The following ZNF222 variants were observed in gnomAD, a reference collection of about 807,000 sequenced individuals.
ZNF222 encodes the protein zinc finger protein 222.
A neutral mutation model predicts 11.6 loss-of-function variants in ZNF222; 8 were observed. The ratio of observed to expected loss-of-function variants is 0.69; its 90% CI spans 0.41 to 1.25. ZNF222 has a LOEUF of 1.25. Ranked by LOEUF, ZNF222 falls within the 50% of genes most tolerant of loss-of-function variation. ZNF222 has a pLI of 0.01. For missense variants in ZNF222, 483 were observed against 576.1 expected, an observed-to-expected ratio of 0.84 and a Z score of 1.65; for synonymous variants, 171 against 195.6, an observed-to-expected ratio of 0.87 and a Z score of 1.05.
At chr19:44,027,522 G>A (rs750630021) in intron 3 of ZNF222, 32 bp downstream of exon 3, 22 of 1,590,934 alleles carry the variant, frequency 1.4e-5, no homozygotes, top group Middle Eastern at 1.7e-4. Flanking sequence ...GTCCCTGCAT[G>A]TGATTCCTGT....
intron 1 of ZNF222, among the ~76,000 whole-genome samples, chr19:44,026,554 A>ATTTTT (rs1329786054): frequency 1.7e-4 from 22 of 129,546 alleles, no homozygotes; most frequent in African/African-American, 7.3e-4. Flanking sequence ...ATATATATAT[A>ATTTTT]TATTTTTTTT....
rs1156365861 is a variant in ZNF222 at position 44,029,186 on chromosome 19, GTTTTGTTTTT to G, written c.262+1701_262+1710del. On this transcript the variant is annotated intron_variant, in intron 3 of 3. Transcript: ENST00000391960. ...TGCAGGACAGTTGTTGGTTTGTTTT[GTTTTGTTTTT>G]TTTTTTTTTTTTTTTTTTGTCTGTG... Among the ~76,000 whole-genome samples, 124 of 97,812 alleles carry G rather than the reference GTTTTGTTTTT, an allele frequency of 1.3e-3. 2 individuals carry two copies. Among genetic ancestry groups the G allele is most frequent in the Admixed American group, 3.6e-3 (37 of 10,336 alleles). 64.2% of individuals were successfully genotyped at this position (97,812 alleles called of 152,430 possible).
Position 44,025,922 on chromosome 19 carries a change from C to T in ZNF222, c.42+444C>T, listed in dbSNP as rs562492805. The T allele has an allele frequency of 3.1e-4, 365 of 1,191,784 alleles. 3 individuals carry two copies. In the African/African-American group the frequency reaches 5.2e-3, roughly 17 times the overall value. The allele number at this position is 1,191,784 out of a possible 1,614,324, so 73.8% of individuals were successfully genotyped here. A position where few individuals can be genotyped will look rare whatever the true frequency, so the allele number is the denominator to read the frequency against. ...TGATCCCTGCAGGACGCTGGATGAT[C>T]CCTGACGCCTTCTGACCTCTTTTTA... is the stretch of plus-strand genomic sequence containing the variant. On this transcript the variant is annotated intron_variant, in intron 1 of 3. Transcript: ENST00000391960. This position sits in a 1 kb window ranked among gnomAD's most constrained non-coding sequence, Gnocchi z 4.6.
intron 2 of ZNF222, 121 bp from the exon 3 acceptor site, chr19:44,027,276 TG>T: frequency 6.3e-7 from 1 of 1,577,836 alleles, no homozygotes; most frequent in Non-Finnish European, 8.7e-7. Flanking sequence ...GCTATTAGGT[TG>T]GTGCAAAAGT....
intron 1 of ZNF222, among the ~76,000 whole-genome samples, chr19:44,026,500 AT>A (rs1036292748): frequency 4.6e-5 from 7 of 150,548 alleles, no homozygotes. Context: ...TTGCTTTTTA[AT>A]TTTTTTAACC....
In ZNF222 at chr19:44,032,365, T is replaced by G. The variant is rs1291009495; in HGVS notation, c.811T>G (p.Cys271Gly). 4 of 1,614,192 alleles carry G rather than the reference T, an allele frequency of 2.5e-6. No individual in the cohort carries two copies. The South Asian group carries it at 4.4e-5, about 18-fold the overall frequency. The change falls in exon 4 of 4, where the codon TGT (cysteine) becomes GGT (glycine). Residue 271 changes from cysteine (C) to glycine (G), a missense_variant. Transcript: ENST00000391960. The stretch of plus-strand genomic sequence containing the variant: ...ACACATGAGAGAGAAACCTTATAAT[T>G]GTGAGAAATGTGGGAAGGCTTTCAT... The part of the protein sequence containing the change: ...KLHMREKPYN[C>G]EKCGKAFMHN...
At chr19:44,028,038 G>C (rs1033034687) in intron 3 of ZNF222, among the ~76,000 whole-genome samples, 1 of 152,196 alleles carries the variant, frequency 6.6e-6, no homozygotes, top group Non-Finnish European at 1.5e-5. Flanking sequence ...GGATGTTCAT[G>C]GGGAGAAGAC....
At chr19:44,026,159 C>T (rs898049379) in intron 1 of ZNF222, 4 of 1,468,074 alleles carry the variant, frequency 2.7e-6, no homozygotes, top group Middle Eastern at 1.7e-4. Flanking sequence ...ATTTGTCCCT[C>T]GGGCATGGGT....
At chr19:44,028,310 C>T in intron 3 of ZNF222, 1 of 398,594 alleles carries the variant, frequency 2.5e-6, no homozygotes, top group Middle Eastern at 6.3e-4. Flanking sequence ...CTTTAATCTC[C>T]CTTGCTGTGG....
chr19:44,027,456 G>A lies in ZNF222; in HGVS notation c.228G>A (p.Val76=), dbSNP rs1177153060. The change falls in exon 3 of 4, where the codon GTG becomes GTA. Residue 76 remains valine (V), a synonymous_variant. Coordinates refer to ENST00000391960, the MANE Select transcript of ZNF222 (RefSeq NM_001129996.2). ...FHFLREEKFW[V]MGTTSQREGN... Reference sequence around the variant, plus strand: ...TCCTAAGGGAAGAAAAGTTTTGGGTGATGGGGACAACAAGCCAAAGAGAAG... The same window carrying A: ...TCCTAAGGGAAGAAAAGTTTTGGGTAATGGGGACAACAAGCCAAAGAGAAG... The A allele has an allele frequency of 1.9e-6, 3 of 1,614,006 alleles. No homozygotes were observed. Among genetic ancestry groups the A allele is most frequent in the East Asian group, 4.5e-5 (2 of 44,890 alleles).
Position 44,032,022 on chromosome 19 carries a change from T to C in ZNF222, c.468T>C (p.Pro156=), listed in dbSNP as rs768348907. The C allele has an allele frequency of 6.2e-7, 1 of 1,614,224 alleles. No individual in the cohort carries two copies. The highest frequency in any genetic ancestry group is 1.7e-5 in the Admixed American group (1 of 60,030). Residue 156 remains proline, a synonymous_variant, in exon 4 of 4, where the codon CCT becomes CCC. Coordinates refer to ENST00000391960, the MANE Select transcript of ZNF222 (RefSeq NM_001129996.2). ...RLSTVHTREK[P]FQGENCKQFF... ...CTACAGTTCACACAAGAGAAAAACC[T>C]TTCCAGGGTGAAAATTGTAAACAGT... is the stretch of plus-strand genomic sequence containing the variant.
chr19:44,025,538 G>C lies in ZNF222; in HGVS notation c.42+60G>C. 6.6e-7 allele frequency: 1 copy of C among 1,505,420 alleles called. No homozygotes were observed. The highest frequency in any genetic ancestry group is 1.3e-5 in the South Asian group (1 of 77,536). 93.3% of individuals were successfully genotyped at this position (1,505,420 alleles called of 1,614,324 possible). A position where few individuals can be genotyped will look rare whatever the true frequency, so the allele number is the denominator to read the frequency against. The stretch of plus-strand genomic sequence containing the variant: ...GTCAGCTGAGCCTTCTGGCGTCGGG[G>C]GGCTCTGCTAGGGTCTCAGGGAGTG... On this transcript the variant is annotated intron_variant, in intron 1 of 3. Coordinates refer to ENST00000391960, the MANE Select transcript of ZNF222 (RefSeq NM_001129996.2). The surrounding 1 kb of genome is among the most constrained non-coding windows in gnomAD (Gnocchi z 4.6).
chr19:44,025,887 C>T lies in ZNF222; in HGVS notation c.42+409C>T. ...AGAGCTCCAGCTGCAGGGGCGCCGGCCCTTCTGCCTGATCCCTGCAGGACG... is the reference window on the plus strand; with the variant it reads ...AGAGCTCCAGCTGCAGGGGCGCCGGTCCTTCTGCCTGATCCCTGCAGGACG... On this transcript the variant is annotated intron_variant, in intron 1 of 3. Coordinates refer to ENST00000391960, the MANE Select transcript of ZNF222 (RefSeq NM_001129996.2). This position sits in a 1 kb window ranked among gnomAD's most constrained non-coding sequence, Gnocchi z 4.6. 1 of 812,938 alleles carries T rather than the reference C, an allele frequency of 1.2e-6. No individual in the cohort carries two copies. The highest frequency in any genetic ancestry group is 1.9e-6 in the Non-Finnish European group (1 of 522,508). The allele number at this position is 812,938 out of a possible 1,614,324, so 50.4% of individuals were successfully genotyped here.
At position 44,026,975 on chromosome 19, in the gene ZNF222, A is replaced by G. The variant is rs746577764; in HGVS notation, c.43-48A>G. 2.2e-5 allele frequency: 36 copies of G among 1,611,982 alleles called. No individual in the cohort carries two copies. In the South Asian group the frequency reaches 2.9e-4, roughly 13 times the overall value. On this transcript the variant is annotated intron_variant, in intron 1 of 3. Transcript: ENST00000391960. ...TGCCAGTGCAATGCTGCTGTCTCCC[A>G]ATAGTCTTTGGCCGTAAGATTGAGG...
chr19:44,032,981 G>A lies in ZNF222; in HGVS notation c.1427G>A (p.Arg476Lys), dbSNP rs781397917. ...KCEDCGKRYK[R>K]RLNLDIILSL... ...GAGGACTGTGGGAAGCGCTACAAGA[G>A]GCGCTTGAATCTGGATATAATTTTA... The change falls in exon 4 of 4, where the codon AGG becomes AAG. Residue 476 changes from arginine (R) to lysine (K), a missense_variant. By Grantham distance (26) the Arg-to-Lys change is conservative (BLOSUM62 2). Transcript: ENST00000391960. The A allele has an allele frequency of 6.4e-7, 1 of 1,572,766 alleles. No individual in the cohort carries two copies. The highest frequency in any genetic ancestry group is 1.2e-5 in the South Asian group (1 of 83,622).
chr19:44,029,289 T>G (rs1976451491), intron 3 of ZNF222, among the ~76,000 whole-genome samples: 1 of 150,394 alleles, frequency 6.6e-6, no homozygotes, highest in African/African-American at 2.5e-5. Flanking sequence ...GTGTGTGCAG[T>G]TGACCCACAT....
intron 3 of ZNF222, chr19:44,028,378 A>G (rs1002130447): frequency 1.0e-5 from 4 of 396,896 alleles, no homozygotes; most frequent in African/African-American, 2.1e-5. Flanking sequence ...AGGAATGATT[A>G]TTTTCTCTAC....
chr19:44,027,762 G>C (rs919950085), intron 3 of ZNF222, among the ~76,000 whole-genome samples: 1 of 151,984 alleles, frequency 6.6e-6, no homozygotes, highest in Admixed American at 6.6e-5. Flanking sequence ...TCTTTAAGTG[G>C]CTTTTGTAGA....
chr19:44,031,112 G>C (rs1303532636), intron 3 of ZNF222: 2 of 152,140 alleles, frequency 1.3e-5, no homozygotes, highest in Admixed American at 1.3e-4. Context: ...ATTCGTTATT[G>C]CTTCTCCTTA....
Sources: allele counts gnomAD v4.1 joint callset (sites outside exome capture counted in the v4.1 genomes callset), GRCh38; gene constraint gnomAD v4.1.1; non-coding constraint Gnocchi (gnomAD v3.1); transcripts MANE v1.5; gene names NCBI Gene and HGNC (gene_info 2026-07-23, HGNC 2026-07-21).